Variants in ZNF335 observed in about 807,000 individuals in gnomAD.
ZNF335 encodes the protein NRC-interacting factor 1.
A neutral mutation model predicts 145.6 loss-of-function variants in ZNF335; 84 were observed. The observed-to-expected ratio is 0.58, with a 90% CI of 0.48 to 0.69. ZNF335 has a LOEUF of 0.69. Among genes scored for constraint, ZNF335 ranks in the 30% least tolerant of loss-of-function variants. ZNF335 has a pLI of 0.00. For missense variants in ZNF335, 1,865 were observed against 1,809.7 expected (o/e 1.03, Z -0.55); for synonymous variants, 761 against 717.0 (o/e 1.06, Z -0.98).
At chr20:45,950,091 C>A in intron 22 of ZNF335, 22 bp from the exon 23 acceptor site, 2 of 1,612,132 alleles carry the variant, frequency 1.2e-6, no homozygotes, top group Non-Finnish European at 1.7e-6. Flanking sequence ...GGAGAGGATG[C>A]TCACCTGGGG....
chr20:45,952,416 G>A lies in ZNF335; in HGVS notation c.2920C>T (p.Pro974Ser). ...CGGLPRDGPE[P>S]PSPAKTHCVG... ...CAGTGGGTCTTGGCTGGAGATGGGG[G>A]CTCAGGGCCGTCTCTGGGCAGTCCC... is the stretch of plus-strand genomic sequence containing the variant. The change falls in exon 20 of 28, where the codon CCC becomes TCC. Residue 974 changes from proline (P) to serine (S), a missense_variant. By Grantham distance (74) the Pro-to-Ser change is moderately conservative. Transcript: ENST00000322927. 2 of 1,579,436 alleles carry A rather than the reference G, an allele frequency of 1.3e-6. No individual in the cohort carries two copies. The highest frequency in any genetic ancestry group is 1.7e-6 in the Non-Finnish European group (2 of 1,159,554).
At chr20:45,962,450 G>A (rs3893276) in intron 9 of ZNF335, among the ~76,000 whole-genome samples, 3 of 152,154 alleles carry the variant, frequency 2.0e-5, no homozygotes, top group Admixed American at 6.5e-5. Flanking sequence ...GGGACCTTGC[G>A]ATGGCAGAGC....
chr20:45,968,383 G>T (rs1213633177), intron 3 of ZNF335, 21 bp from the exon 4 acceptor site: 30 of 1,601,634 alleles, frequency 1.9e-5, no homozygotes, highest in African/African-American at 4.0e-5. Context: ...ATGGGGAAGG[G>T]TCACACCTCC....
At chr20:45,953,151 C>T (rs139534524) in intron 18 of ZNF335, among the ~76,000 whole-genome samples, 7 of 152,346 alleles carry the variant, frequency 4.6e-5, no homozygotes, top group African/African-American at 2.4e-5. Flanking sequence ...CTCAGCTCAA[C>T]AATTTGGCAC....
chr20:45,964,776 C>T (rs929690055), intron 7 of ZNF335, among the ~76,000 whole-genome samples: 2 of 152,186 alleles, frequency 1.3e-5, no homozygotes, highest in South Asian at 4.2e-4. Flanking sequence ...GTGGCTCACG[C>T]CTGTAATCCC....
At chr20:45,968,425 C>G in intron 3 of ZNF335, 63 bp from the exon 4 acceptor site, 1 of 1,484,132 alleles carries the variant, frequency 6.7e-7, no homozygotes, top group Non-Finnish European at 9.4e-7. Context: ...AGGCCCACCC[C>G]CATGGGCCCC....
intron 10 of ZNF335, among the ~76,000 whole-genome samples, chr20:45,961,355 T>C (rs2145392752): frequency 6.6e-6 from 1 of 152,296 alleles, no homozygotes; most frequent in Middle Eastern, 3.4e-3. Context: ...TGTGCCACTC[T>C]ATTCCAGACT....
chr20:45,953,942 C>T lies in ZNF335; in HGVS notation c.2449G>A (p.Val817Met), dbSNP rs1169808103. The T allele has an allele frequency of 6.3e-7, 1 of 1,590,188 alleles. No homozygotes were observed. Among genetic ancestry groups the T allele is most frequent in the Non-Finnish European group, 8.6e-7 (1 of 1,167,074 alleles). The change falls in exon 18 of 28, where the codon GTG becomes ATG. Residue 817 changes from valine (V) to methionine (M), a missense_variant. Transcript: ENST00000322927. ...ELGGTALQVAVVKSEDVEAGL... is the reference protein window; with the variant it reads ...ELGGTALQVAMVKSEDVEAGL... ...GCTTCCACATCTTCCGACTTCACCA[C>T]AGCCACCTGCAACGGCACCAGGGGG...
chr20:45,968,144 G>C, intron 4 of ZNF335, 117 bp from the exon 5 acceptor site: 4 of 1,514,558 alleles, frequency 2.6e-6, no homozygotes, highest in Non-Finnish European at 3.6e-6. Flanking sequence ...CCCACCAGAG[G>C]CCAACCCGTC....
At chr20:45,949,944 G>A in intron 23 of ZNF335, 22 bp downstream of exon 23, 2 of 1,614,088 alleles carry the variant, frequency 1.2e-6, no homozygotes, top group Non-Finnish European at 1.7e-6. Flanking sequence ...CTGGCCAGAG[G>A]GCCCCCAGTC....
rs201158964 is a variant in ZNF335, at chr20:45,952,600, C to T, written c.2812G>A (p.Glu938Lys). The T allele has an allele frequency of 3.1e-6, 5 of 1,613,890 alleles. No homozygotes were observed. The East Asian group carries it at 1.1e-4, about 36-fold the overall frequency. ...TGGTTGGCATCCCCAAGCCTCACCT[C>T]AATGTGGTGCAACTGGGTACCATCA... ...ATDGTQLHHI[E>K]LTADGSISFP... The change falls in exon 19 of 28, where the codon GAG (glutamate) becomes AAG (lysine). Residue 938 changes from glutamate to lysine, a missense_variant and splice_region_variant. By Grantham distance (56) the Glu-to-Lys change is moderately conservative. Coordinates refer to ENST00000322927, the MANE Select transcript of ZNF335 (RefSeq NM_022095.4).
In ZNF335 at chr20:45,949,116, C is replaced by T. The variant is rs370898750; in HGVS notation, c.3902-36G>A. 5.0e-6 allele frequency: 8 copies of T among 1,613,470 alleles called. No homozygotes were observed. The African/African-American group carries it at 5.3e-5, about 11-fold the overall frequency. On this transcript the variant is annotated intron_variant, in intron 27 of 27. Transcript: ENST00000322927. ...AGGGGAAAGTATGGTGAGCTGGAGG[C>T]TCAAGAGCTGGGTCCATACCCAGCC...
Position 45,967,879 on chromosome 20 carries a change from G to T in ZNF335, c.669C>A (p.Ser223=). The T allele has an allele frequency of 1.2e-6, 2 of 1,612,764 alleles. No homozygotes were observed. The highest frequency in any genetic ancestry group is 1.7e-6 in the Non-Finnish European group (2 of 1,179,680). ...PSSPVQLPPA[S]GAEEPDLQSL... The stretch of plus-strand genomic sequence containing the variant: ...TCTGCAGGTCCGGCTCTTCGGCACC[G>T]GAGGCTGGGGGCAGCTGCACCGGGG... Residue 223 remains serine (S), a synonymous_variant, in exon 5 of 28, where the codon TCC becomes TCA. Coordinates refer to ENST00000322927, the MANE Select transcript of ZNF335 (RefSeq NM_022095.4).
At chr20:45,968,096 C>T (rs1189964092) in intron 4 of ZNF335, 69 bp from the exon 5 acceptor site, 1 of 1,592,082 alleles carries the variant, frequency 6.3e-7, no homozygotes, top group Non-Finnish European at 8.6e-7. Context: ...CTATAGCTAC[C>T]CCTCCCAGGC....
chr20:45,966,237 AT>A (rs76603800), intron 6 of ZNF335, among the ~76,000 whole-genome samples: 282 of 144,240 alleles, frequency 2.0e-3, no homozygotes, highest in South Asian at 3.1e-3. Context: ...CTCACCAATA[AT>A]TTTTTTTTTT....
In ZNF335 at chr20:45,953,914, C is replaced by T; in HGVS notation, c.2477G>A (p.Gly826Glu). Residue 826 changes from glycine (G) to glutamate (E), a missense_variant, in exon 18 of 28, where the codon GGG (glycine) becomes GAG (glutamate). Transcript: ENST00000322927. ...AVVKSEDVEA[G>E]LASPGGQPSP... is the part of the protein sequence containing the mutation. ...GGGCTGCCCACCAGGGGATGCTAAC[C>T]CTGCTTCCACATCTTCCGACTTCAC... 1 of 1,609,506 alleles carries T rather than the reference C, an allele frequency of 6.2e-7. No individual in the cohort carries two copies. The highest frequency in any genetic ancestry group is 1.1e-5 in the South Asian group (1 of 90,528).
intron 2 of ZNF335, among the ~76,000 whole-genome samples, chr20:45,970,586 CAGG>C (rs1039699456): frequency 2.0e-5 from 3 of 152,024 alleles, no homozygotes; most frequent in Admixed American, 2.0e-4. Context: ...GTGGCACAGC[CAGG>C]AGGAGATGGT....
At chr20:45,968,098 C>T in intron 4 of ZNF335, 71 bp from the exon 5 acceptor site, 24 of 1,591,036 alleles carry the variant, frequency 1.5e-5, no homozygotes, top group Non-Finnish European at 2.0e-5. Context: ...ATAGCTACCC[C>T]TCCCAGGCAG....
intron 7 of ZNF335, 174 bp from the exon 8 acceptor site, chr20:45,964,164 C>T (rs778617145): frequency 8.4e-5 from 62 of 735,250 alleles, no homozygotes; most frequent in Non-Finnish European, 1.2e-4. Flanking sequence ...ATGGATACTA[C>T]CGCCCAACAG....
Sources: allele counts gnomAD v4.1 joint callset (sites outside exome capture counted in the v4.1 genomes callset), GRCh38; gene constraint gnomAD v4.1.1; transcripts MANE v1.5; gene names NCBI Gene and HGNC (gene_info 2026-07-23, HGNC 2026-07-21).